The following CMBL variants were observed in gnomAD, a reference collection of about 807,000 sequenced individuals.
CMBL encodes the protein carboxymethylenebutenolidase homolog (Pseudomonas).
A neutral mutation model predicts 28.7 loss-of-function variants in CMBL; 17 were observed. The ratio of observed to expected loss-of-function variants is 0.59; its 90% CI spans 0.41 to 0.89. CMBL has a LOEUF of 0.89. Among genes scored for constraint, CMBL ranks in the 40% least tolerant of loss-of-function variants. CMBL has a pLI of 0.00. For missense variants in CMBL, 310 were observed against 298.5 expected, an observed-to-expected ratio of 1.04 and a Z score of -0.28; for synonymous variants, 106 against 101.6, an observed-to-expected ratio of 1.04 and a Z score of -0.26.
intron 1 of CMBL, among the ~76,000 whole-genome samples, chr5:10,296,922 C>T (rs774026859): frequency 2.0e-5 from 3 of 152,170 alleles, no homozygotes; most frequent in South Asian, 2.1e-4. Flanking sequence ...CGGTGGCTCA[C>T]GCCTGTAATC....
At chr5:10,305,353 A>G (rs961995934) in intron 1 of CMBL, among the ~76,000 whole-genome samples, 4 of 152,050 alleles carry the variant, frequency 2.6e-5, no homozygotes, top group Admixed American at 6.5e-5. Flanking sequence ...AGAGGAGCAT[A>G]TGGAATTGGA....
chr5:10,297,510 A>C (rs1746828630), intron 1 of CMBL, among the ~76,000 whole-genome samples: 1 of 149,756 alleles, frequency 6.7e-6, no homozygotes, highest in Non-Finnish European at 1.5e-5. Flanking sequence ...CAGAGGTTAG[A>C]GTGAGCTGAG....
At chr5:10,296,435 C>T (rs1746811248) in intron 1 of CMBL, among the ~76,000 whole-genome samples, 1 of 152,164 alleles carries the variant, frequency 6.6e-6, no homozygotes, top group African/African-American at 2.4e-5. Flanking sequence ...CGAGCACCAC[C>T]ATACCTGGCT....
chr5:10,293,073 C>T (rs1407674545), intron 1 of CMBL, among the ~76,000 whole-genome samples: 1 of 152,086 alleles, frequency 6.6e-6, no homozygotes, highest in African/African-American at 2.4e-5. Flanking sequence ...ACCATGTTAC[C>T]ATGAAAACAC....
At chr5:10,301,606 G>GTTTT (rs371796871) in intron 1 of CMBL, among the ~76,000 whole-genome samples, 76,446 of 131,492 alleles carry the variant, frequency 0.58, 23,908 homozygotes, top group Non-Finnish European at 0.7. Context: ...TTCTTTTCGG[G>GTTTT]TTTTTTTTTT....
Position 10,286,401 on chromosome 5 carries a change from T to G in CMBL, c.419A>C (p.His140Pro). 6.2e-7 allele frequency: 1 copy of G among 1,614,156 alleles called. No homozygotes were observed. Among genetic ancestry groups the G allele is most frequent in the Non-Finnish European group, 8.5e-7 (1 of 1,180,012 alleles). Residue 140 changes from histidine to proline, a missense_variant, in exon 4 of 6, where the codon CAT (histidine) becomes CCT (proline). Transcript: ENST00000296658. ...GFCWGGTAVH[H>P]LMMKYSEFRA... Reference sequence around the variant, plus strand: ...GAATTCTGAGTATTTCATCATCAAATGATGGACAGCAGTTCCACCCCAGCA... The same window carrying G: ...GAATTCTGAGTATTTCATCATCAAAGGATGGACAGCAGTTCCACCCCAGCA...
intron 1 of CMBL, among the ~76,000 whole-genome samples, chr5:10,298,388 G>A (rs1232632134): frequency 1.3e-5 from 2 of 152,082 alleles, no homozygotes; most frequent in Non-Finnish European, 2.9e-5. Flanking sequence ...CCATTTCATG[G>A]TAACCAATTT....
At chr5:10,286,259 G>A in intron 4 of CMBL, 95 bp downstream of exon 4, 2 of 1,220,100 alleles carry the variant, frequency 1.6e-6, no homozygotes, top group Non-Finnish European at 2.3e-6. Context: ...CACATTATTG[G>A]GGGTTGTGTT....
At chr5:10,303,056 CTCTTA>C (rs779626520) in intron 1 of CMBL, among the ~76,000 whole-genome samples, 2 of 152,194 alleles carry the variant, frequency 1.3e-5, no homozygotes, top group Non-Finnish European at 2.9e-5. Context: ...TCTCCCAAAC[CTCTTA>C]TCTTAACCCA....
intron 1 of CMBL, among the ~76,000 whole-genome samples, chr5:10,298,965 G>C (rs1214662663): frequency 6.6e-6 from 1 of 152,176 alleles, no homozygotes; most frequent in Non-Finnish European, 1.5e-5. Context: ...CGTGCTGATG[G>C]TGGTGCAGCT....
intron 1 of CMBL, among the ~76,000 whole-genome samples, chr5:10,291,580 G>A (rs1579473867): frequency 6.6e-6 from 1 of 151,644 alleles, no homozygotes; most frequent in Non-Finnish European, 1.5e-5. Flanking sequence ...AGAATGGCGT[G>A]AACCCGGGAG....
chr5:10,290,854 A>C, intron 1 of CMBL, 73 bp from the exon 2 acceptor site: 8 of 1,142,064 alleles, frequency 7.0e-6, no homozygotes, highest in South Asian at 2.8e-5. Flanking sequence ...AGTAAACCTC[A>C]AATCAAGATT....
chr5:10,304,771 GTT>G (rs377520141), intron 1 of CMBL, among the ~76,000 whole-genome samples: 1 of 149,470 alleles, frequency 6.7e-6, no homozygotes, highest in Admixed American at 6.7e-5. Flanking sequence ...TAGACAACAT[GTT>G]TTTTTTTTAA....
chr5:10,284,382 A>T (rs2126541596), intron 4 of CMBL, among the ~76,000 whole-genome samples: 1 of 152,334 alleles, frequency 6.6e-6, no homozygotes, highest in South Asian at 2.1e-4. Context: ...CACAATGAGG[A>T]ACCATTAACC....
At chr5:10,298,652 G>C (rs962795953) in intron 1 of CMBL, among the ~76,000 whole-genome samples, 3 of 152,208 alleles carry the variant, frequency 2.0e-5, no homozygotes, top group Non-Finnish European at 4.4e-5. Flanking sequence ...CAGCACTCTG[G>C]GAGGCCAAGG....
intron 1 of CMBL, among the ~76,000 whole-genome samples, chr5:10,296,256 C>T (rs1746807242): frequency 6.6e-6 from 1 of 152,140 alleles, no homozygotes; most frequent in South Asian, 2.1e-4. Flanking sequence ...TTTACTACTA[C>T]AAATACCAAG....
chr5:10,283,437 A>C (rs915260109), intron 4 of CMBL, among the ~76,000 whole-genome samples: 1 of 151,880 alleles, frequency 6.6e-6, no homozygotes, highest in African/African-American at 2.4e-5. Context: ...ACGAGTGTGG[A>C]AGTGTGGAAG....
chr5:10,304,182 G>T lies in CMBL; in HGVS notation c.-20+3443C>A, dbSNP rs1239365110. The stretch of plus-strand genomic sequence containing the variant: ...TCAAGACCTGCCTGGGCAACACAGG[G>T]AGACCCCATCTCTACAAAAAAAAAA... On this transcript the variant is annotated intron_variant, in intron 1 of 5. Coordinates refer to ENST00000296658, the MANE Select transcript of CMBL (RefSeq NM_138809.4). 2.0e-5 allele frequency among the ~76,000 whole-genome samples: 3 copies of T among 150,672 alleles called. No homozygotes were observed. The East Asian group carries it at 5.8e-4, about 29-fold the overall frequency.
chr5:10,283,485 A>T (rs1290950694), intron 4 of CMBL, among the ~76,000 whole-genome samples: 1 of 152,088 alleles, frequency 6.6e-6, no homozygotes, highest in Non-Finnish European at 1.5e-5. Flanking sequence ...AGTCTATAAA[A>T]ATCAGTTTTT....
Sources: allele counts gnomAD v4.1 joint callset (sites outside exome capture counted in the v4.1 genomes callset), GRCh38; gene constraint gnomAD v4.1.1; transcripts MANE v1.5; gene names NCBI Gene and HGNC (gene_info 2026-07-23, HGNC 2026-07-21).